Variants in PTPRD observed in about 807,000 individuals in gnomAD.
PTPRD encodes the protein protein tyrosine phosphatase receptor type D.
Under a neutral mutation model 214.5 loss-of-function variants are expected in PTPRD, and 34 were observed. The observed-to-expected ratio is 0.16, with a 90% CI of 0.12 to 0.21. The LOEUF (loss-of-function observed/expected upper bound fraction) is 0.21, where lower values mean the gene tolerates loss of function less well. Among genes scored for constraint, PTPRD ranks in the 10% least tolerant of loss-of-function variants. PTPRD has a pLI of 1.00. For missense variants in PTPRD, 2,545 were observed against 2,398.7 expected, an observed-to-expected ratio of 1.06 and a Z score of -1.27; for synonymous variants, 1,128 against 845.7, an observed-to-expected ratio of 1.33 and a Z score of -5.79.
In PTPRD at chr9:8,475,307, C is replaced by A. The variant is rs547176223; in HGVS notation, c.3414-4222G>T. ...TAAGATGTTAACACTCTCCATGAAA[C>A]ATTCTGAGCCCTTTCTCTGTGATAT... On this transcript the variant is annotated intron_variant, in intron 30 of 45. Coordinates refer to ENST00000381196, the MANE Select transcript of PTPRD (RefSeq NM_002839.4). Among the ~76,000 whole-genome samples the A allele has an allele frequency of 2.6e-5, 4 of 152,284 alleles. No individual in the cohort carries two copies. In the South Asian group the frequency reaches 6.2e-4, roughly 24 times the overall value.
intron 14 of PTPRD, among the ~76,000 whole-genome samples, chr9:8,608,696 C>G (rs28462136): frequency 3.7e-4 from 57 of 152,196 alleles, no homozygotes; most frequent in African/African-American, 1.1e-3. Flanking sequence ...CATTAGAGTA[C>G]TGACGGCAAA....
intron 5 of PTPRD, among the ~76,000 whole-genome samples, chr9:9,795,444 G>A (rs1399645974): frequency 6.6e-6 from 1 of 151,846 alleles, no homozygotes; most frequent in East Asian, 1.9e-4. Context: ...TTGGATAGTG[G>A]AAAAAAACAA....
At chr9:8,949,319 T>C (rs1177564471) in intron 11 of PTPRD, among the ~76,000 whole-genome samples, 2 of 152,076 alleles carry the variant, frequency 1.3e-5, no homozygotes, top group East Asian at 3.9e-4. Context: ...TAATTTATGA[T>C]ATGAAATATT....
chr9:8,582,326 T>C (rs2093237175), intron 14 of PTPRD, among the ~76,000 whole-genome samples: 1 of 152,234 alleles, frequency 6.6e-6, no homozygotes, highest in South Asian at 2.1e-4. Flanking sequence ...GTTAGATATA[T>C]TTATTACCTT....
intron 12 of PTPRD, among the ~76,000 whole-genome samples, chr9:8,670,469 T>C (rs991077536): frequency 1.3e-5 from 2 of 152,212 alleles, no homozygotes; most frequent in Admixed American, 6.5e-5. Context: ...TTGCTTTCTG[T>C]GTCTGGCTAA....
intron 11 of PTPRD, among the ~76,000 whole-genome samples, chr9:8,930,941 G>A (rs2098948256): frequency 6.6e-6 from 1 of 152,046 alleles, no homozygotes; most frequent in Admixed American, 6.6e-5. Flanking sequence ...AGTTTCTTTT[G>A]CTGTGCAGAA....
At position 9,795,875 on chromosome 9, in the gene PTPRD, T is replaced by C. The variant is rs10114903; in HGVS notation, c.-367-29024A>G. On this transcript the variant is annotated intron_variant, in intron 5 of 45. Transcript: ENST00000381196. ...AATTGCCACTGACATAACAAAATGA[T>C]CCAAATATACTAGAAAAAATAAAAA... Among the ~76,000 whole-genome samples the C allele has an allele frequency of 5.3e-3, 808 of 152,162 alleles. 5 individuals are homozygous for C. The highest frequency in any genetic ancestry group is 0.018 in the African/African-American group (764 of 41,532).
intron 12 of PTPRD, among the ~76,000 whole-genome samples, chr9:8,650,240 G>C (rs1214878461): frequency 6.6e-6 from 1 of 151,830 alleles, no homozygotes; most frequent in African/African-American, 2.4e-5. Flanking sequence ...ATAAGAATGT[G>C]GATATGTGGA....
intron 10 of PTPRD, among the ~76,000 whole-genome samples, chr9:9,177,300 C>T (rs1033674414): frequency 1.2e-4 from 19 of 152,116 alleles, no homozygotes; most frequent in Admixed American, 1.0e-3. Context: ...CAATTACCTC[C>T]ACCTGGCCTC....
rs1018375797 is a variant in PTPRD at position 10,222,495 on chromosome 9, C to G, written c.-545+118468G>C. ...TTTTAATTCCAACAAAGCTGGCTGT[C>G]AAGCCATATTATGCAGTGACTTAAT... On this transcript the variant is annotated intron_variant, in intron 3 of 45. Coordinates refer to ENST00000381196, the MANE Select transcript of PTPRD (RefSeq NM_002839.4). Among the ~76,000 whole-genome samples, 8 of 152,026 alleles carry G rather than the reference C, an allele frequency of 5.3e-5. No homozygotes were observed. In the South Asian group the frequency reaches 8.3e-4, roughly 16 times the overall value.
At chr9:9,595,348 T>C (rs1276981656) in intron 7 of PTPRD, among the ~76,000 whole-genome samples, 3 of 135,018 alleles carry the variant, frequency 2.2e-5, no homozygotes, top group Non-Finnish European at 4.6e-5. Flanking sequence ...TATTGTATAT[T>C]CATCATATAT....
chr9:8,568,978 G>T (rs565793356), intron 14 of PTPRD, among the ~76,000 whole-genome samples: 1 of 152,052 alleles, frequency 6.6e-6, no homozygotes, highest in South Asian at 2.1e-4. Flanking sequence ...ATAGAAATAT[G>T]CTTCCCAAGT....
intron 3 of PTPRD, among the ~76,000 whole-genome samples, chr9:10,171,303 C>T (rs1370387707): frequency 4.6e-5 from 7 of 151,972 alleles, no homozygotes. Flanking sequence ...AATTTAATCA[C>T]GGGGGTGGTT....
At chr9:8,382,511 C>T (rs1330145856) in intron 37 of PTPRD, among the ~76,000 whole-genome samples, 5 of 152,116 alleles carry the variant, frequency 3.3e-5, no homozygotes, top group Non-Finnish European at 5.9e-5. Context: ...TGTCAGCTGC[C>T]TTTCTAAGTA....
intron 5 of PTPRD, among the ~76,000 whole-genome samples, chr9:9,794,316 T>A (rs2098987839): frequency 6.6e-6 from 1 of 151,530 alleles, no homozygotes; most frequent in South Asian, 2.1e-4. Context: ...TACCAAGAAA[T>A]GACATAAGGA....
intron 8 of PTPRD, among the ~76,000 whole-genome samples, chr9:9,509,437 A>C (rs1288144595): frequency 6.6e-6 from 1 of 151,476 alleles, no homozygotes; most frequent in Non-Finnish European, 1.5e-5. Flanking sequence ...ACTGAAACTT[A>C]CTAGATCATC....
At chr9:10,222,525 G>A (rs562219863) in intron 3 of PTPRD, among the ~76,000 whole-genome samples, 22 of 152,160 alleles carry the variant, frequency 1.4e-4, no homozygotes, top group African/African-American at 4.8e-4. Context: ...CTTAATATGA[G>A]TGGACATTTG....
At chr9:10,154,790 T>G (rs1444301868) in intron 3 of PTPRD, among the ~76,000 whole-genome samples, 1 of 152,072 alleles carries the variant, frequency 6.6e-6, no homozygotes, top group Non-Finnish European at 1.5e-5. Flanking sequence ...ATCTCTATAC[T>G]GTTTCATTGG....
At chr9:9,426,778 T>TGATACCCA (rs1380790701) in intron 8 of PTPRD, among the ~76,000 whole-genome samples, 2 of 152,140 alleles carry the variant, frequency 1.3e-5, no homozygotes, top group African/African-American at 2.4e-5. Flanking sequence ...CCTCCGCTGG[T>TGATACCCA]GATACCCAGG....
Sources: allele counts gnomAD v4.1 joint callset (sites outside exome capture counted in the v4.1 genomes callset), GRCh38; gene constraint gnomAD v4.1.1; transcripts MANE v1.5; gene names NCBI Gene and HGNC (gene_info 2026-07-23, HGNC 2026-07-21).